Variants in ACACB observed in about 807,000 individuals in gnomAD.
The protein encoded by ACACB is acetyl-CoA carboxylase beta.
In ACACB, 209 loss-of-function variants were observed where a neutral mutation model predicts 278.8. That is an observed-to-expected ratio of 0.75 (90% CI 0.67 to 0.84). The LOEUF (loss-of-function observed/expected upper bound fraction) is 0.84, where lower values mean the gene tolerates loss of function less well. ACACB is among the 40% of genes least tolerant of loss of function. The probability of loss-of-function intolerance (pLI) is 0.00; values close to 1 mark genes in which losing one functional copy is unlikely to be tolerated. For synonymous variants in ACACB, 1,174 were observed against 1,285.6 expected, an observed-to-expected ratio of 0.91 and a Z score of 1.86; for missense variants, 2,850 against 3,269.0, an observed-to-expected ratio of 0.87 and a Z score of 3.13.
Position 109,266,431 on chromosome 12 carries a change from C to G in ACACB, c.*69C>G, listed in dbSNP as rs2047521202. On this transcript the variant is annotated 3_prime_UTR_variant, in exon 53 of 53. Coordinates refer to ENST00000338432, the MANE Select transcript of ACACB (RefSeq NM_001093.4). ...CACCCAGACCCACCACCCGTACACC[C>G]TCAGCAGACCCTGAAGACTTGCTTT... The G allele has an allele frequency of 6.8e-7, 1 of 1,469,272 alleles. No homozygotes were observed. The highest frequency in any genetic ancestry group is 2.4e-5 in the Admixed American group (1 of 42,054). The allele number at this position is 1,469,272 out of a possible 1,614,324, so 91.0% of individuals were successfully genotyped here. A position where few individuals can be genotyped will look rare whatever the true frequency, so the allele number is the denominator to read the frequency against.
intron 21 of ACACB, among the ~76,000 whole-genome samples, chr12:109,209,681 GTTTT>G (rs1013533900): frequency 6.6e-6 from 1 of 151,514 alleles, no homozygotes; most frequent in African/African-American, 2.4e-5. Context: ...GAAACTGCAA[GTTTT>G]TTTATTTTTG....
chr12:109,237,042 C>T (rs1342558155), intron 33 of ACACB, 123 bp from the exon 34 acceptor site: 4 of 922,586 alleles, frequency 4.3e-6, no homozygotes, highest in Non-Finnish European at 7.0e-6. Context: ...ATGCTGCATT[C>T]CTGAGTGCCA....
At chr12:109,201,787 G>A in intron 19 of ACACB, 86 bp downstream of exon 19, 8 of 1,524,076 alleles carry the variant, frequency 5.2e-6, no homozygotes, top group Non-Finnish European at 7.1e-6. Flanking sequence ...TGGACTCAAG[G>A]CTGGTAGCGC....
chr12:109,260,639 A>G lies in ACACB; in HGVS notation c.6656A>G (p.Tyr2219Cys), dbSNP rs747258931. Residue 2219 changes from tyrosine (Y) to cysteine (C), a missense_variant, in exon 48 of 53, where the codon TAT becomes TGT. Tyr to Cys is a radical substitution (Grantham distance 194, BLOSUM62 -2). This residue lies in a region of ACACB where 579 missense variants were observed against 684.6 expected (regional missense o/e 0.85). Coordinates refer to ENST00000338432, the MANE Select transcript of ACACB (RefSeq NM_001093.4). ...ATCAACCCGCTGTGCATAGAAATGT[A>G]TGCAGACAAAGAGAGCAGGTGGGTG... ...ATINPLCIEM[Y>C]ADKESRGGVL... is the part of the protein sequence containing the mutation. The G allele has an allele frequency of 1.9e-6, 3 of 1,588,010 alleles. No individual in the cohort carries two copies. Among genetic ancestry groups the G allele is most frequent in the South Asian group, 2.3e-5 (2 of 87,152 alleles).
chr12:109,124,753 C>T (rs1360944386), intron 1 of ACACB, among the ~76,000 whole-genome samples: 1 of 152,146 alleles, frequency 6.6e-6, no homozygotes, highest in Non-Finnish European at 1.5e-5. Flanking sequence ...CTCTCTCTGT[C>T]ATCCAGGCTA....
chr12:109,254,222 C>T lies in ACACB; in HGVS notation c.6054C>T (p.His2018=), dbSNP rs1367487206. 6.2e-7 allele frequency: 1 copy of T among 1,613,678 alleles called. No individual in the cohort carries two copies. Among genetic ancestry groups the T allele is most frequent in the African/African-American group, 1.3e-5 (1 of 74,874 alleles). ...TTGGCTTTCTTTTTTAGGATAATCA[C>T]AGCCCTGTCCCTATCATCACACCCA... ...EWLSYMPKDN[H]SPVPIITPTD... The change falls in exon 44 of 53, where the codon CAC becomes CAT. Residue 2018 remains histidine, a synonymous_variant. Transcript: ENST00000338432.
At chr12:109,259,464 A>G (rs372723542) in intron 47 of ACACB, among the ~76,000 whole-genome samples, 17 of 151,590 alleles carry the variant, frequency 1.1e-4, no homozygotes, top group Admixed American at 3.3e-4. Context: ...GCACATGCCT[A>G]TTGTCCCAGC....
At chr12:109,220,018 C>T (rs1273527349) in intron 24 of ACACB, among the ~76,000 whole-genome samples, 1 of 152,196 alleles carries the variant, frequency 6.6e-6, no homozygotes, top group Non-Finnish European at 1.5e-5. Flanking sequence ...TTACAGTCAG[C>T]TTGCCATTCA....
intron 2 of ACACB, among the ~76,000 whole-genome samples, chr12:109,165,319 T>C (rs745954520): frequency 1.3e-5 from 2 of 152,152 alleles, no homozygotes; most frequent in African/African-American, 4.8e-5. Context: ...AGGAGAGATG[T>C]CACCAGTGGA....
chr12:109,147,391 CTTTTT>C (rs34959945), intron 2 of ACACB, among the ~76,000 whole-genome samples: 8 of 116,210 alleles, frequency 6.9e-5, no homozygotes, highest in Admixed American at 9.4e-5. Flanking sequence ...TGTCTGGCTA[CTTTTT>C]TTTTTTTTTT....
At chr12:109,227,338 T>C (rs2046341920) in intron 27 of ACACB, 33 bp from the exon 28 acceptor site, 4 of 1,586,166 alleles carry the variant, frequency 2.5e-6, no homozygotes, top group Middle Eastern at 1.7e-4. Flanking sequence ...CAGTGGCCCC[T>C]GAGAGAATGT....
Position 109,254,325 on chromosome 12 carries a change from C to T in ACACB, c.6157C>T (p.Pro2053Ser). Reference protein sequence around the residue: ...YDPRWMLAGRPHPTLKGTWQS... With the variant: ...YDPRWMLAGRSHPTLKGTWQS... ...CCCCCGGTGGATGCTTGCAGGAAGGCCTCACCCAAGTAAGTTCTAAAGTAT... is the reference window on the plus strand; with the variant it reads ...CCCCCGGTGGATGCTTGCAGGAAGGTCTCACCCAAGTAAGTTCTAAAGTAT... The change falls in exon 44 of 53, where the codon CCT becomes TCT. Residue 2053 changes from proline (P) to serine (S), a missense_variant. Pro to Ser is a moderately conservative substitution (Grantham distance 74). Transcript: ENST00000338432. The T allele has an allele frequency of 1.2e-6, 2 of 1,612,474 alleles. No individual in the cohort carries two copies. The highest frequency in any genetic ancestry group is 1.7e-6 in the Non-Finnish European group (2 of 1,179,478).
chr12:109,144,920 C>G (rs976389615), intron 2 of ACACB, among the ~76,000 whole-genome samples: 4 of 151,780 alleles, frequency 2.6e-5, no homozygotes, highest in Non-Finnish European at 4.4e-5. Flanking sequence ...TGCCACCATG[C>G]CTGGCTAATT....
chr12:109,192,084 G>A, intron 15 of ACACB, 134 bp downstream of exon 15: 1 of 923,464 alleles, frequency 1.1e-6, no homozygotes, highest in Non-Finnish European at 1.7e-6. Flanking sequence ...TCTTGCCTCT[G>A]GGAAATTCCT....
chr12:109,145,313 T>C (rs1174444870), intron 2 of ACACB, among the ~76,000 whole-genome samples: 9 of 152,204 alleles, frequency 5.9e-5, no homozygotes, highest in Non-Finnish European at 1.0e-4. Flanking sequence ...AATTTTGTTT[T>C]AATTTTTTAG....
intron 11 of ACACB, among the ~76,000 whole-genome samples, chr12:109,181,481 A>G (rs2044469345): frequency 6.6e-6 from 1 of 151,990 alleles, no homozygotes; most frequent in African/African-American, 2.4e-5. Flanking sequence ...GCCCACCTCA[A>G]CTTCCCAAAG....
chr12:109,128,242 G>A (rs771253157), intron 1 of ACACB, among the ~76,000 whole-genome samples: 5 of 151,884 alleles, frequency 3.3e-5, no homozygotes, highest in Admixed American at 2.6e-4. Context: ...TCCACCTCCC[G>A]GGTTCAAGTG....
At chr12:109,112,221 GAATATATATGTATATAAGTTC>G (rs2042313004), upstream of ACACB, among the ~76,000 whole-genome samples, 3 of 147,898 alleles carry the variant, frequency 2.0e-5, no homozygotes, top group South Asian at 6.3e-4. Context: ...TACGTATATT[GAATATATATGTATATAAGTTC>G]AATATATATG....
At chr12:109,224,020 C>T (rs1392629996) in intron 27 of ACACB, 116 bp downstream of exon 27, 1 of 891,472 alleles carries the variant, frequency 1.1e-6, no homozygotes, top group Non-Finnish European at 1.9e-6. Flanking sequence ...CTATCCTTTT[C>T]TCTTCAAGGT....
Sources: allele counts gnomAD v4.1 joint callset (sites outside exome capture counted in the v4.1 genomes callset), GRCh38; gene constraint gnomAD v4.1.1; regional missense constraint gnomAD v4.1.1; transcripts MANE v1.5; gene names NCBI Gene and HGNC (gene_info 2026-07-23, HGNC 2026-07-21).